Variants in SNTB2 observed in about 807,000 individuals in gnomAD.
SNTB2 encodes the protein syntrophin beta 2, also known as beta-2-syntrophin.
In SNTB2, 34 loss-of-function variants were observed where a neutral mutation model predicts 46.2. That is an observed-to-expected ratio of 0.74 (90% confidence interval 0.56 to 0.98). The LOEUF is 0.98. SNTB2 is among the 50% of genes least tolerant of loss of function. The pLI is 0.00. For synonymous variants in SNTB2, 290 were observed against 312.6 expected, an observed-to-expected ratio of 0.93 and a Z score of 0.76; for missense variants, 603 against 731.4, an observed-to-expected ratio of 0.82 and a Z score of 2.02.
At position 69,299,616 on chromosome 16, in the gene SNTB2, A is replaced by G. The variant is rs1011514536; in HGVS notation, c.1372A>G (p.Arg458Gly). 2.5e-6 allele frequency: 4 copies of G among 1,614,154 alleles called. No homozygotes were observed. The highest frequency in any genetic ancestry group is 3.4e-6 in the Non-Finnish European group (4 of 1,180,018). Reference protein sequence around the residue: ...LGCMLNGQEVRLTIHYENGFT... With the variant: ...LGCMLNGQEVGLTIHYENGFT... ...CTGCATGTTAAATGGCCAAGAGGTG[A>G]GGCTTACTATTCACTATGAAAATGG... Residue 458 changes from arginine (R) to glycine (G), a missense_variant, in exon 6 of 7, where the codon AGG (arginine) becomes GGG (glycine). By Grantham distance (125) the Arg-to-Gly change is moderately radical. This residue lies in a region of SNTB2 where 537 missense variants were observed against 692.4 expected (regional missense o/e 0.78). Transcript: ENST00000336278.
chr16:69,232,831 C>A (rs971612355), intron 1 of SNTB2, among the ~76,000 whole-genome samples: 9 of 151,994 alleles, frequency 5.9e-5, no homozygotes, highest in Admixed American at 1.3e-4. Flanking sequence ...ATTTTTAAAT[C>A]CTGAAATTTT....
intron 1 of SNTB2, among the ~76,000 whole-genome samples, chr16:69,192,270 T>C (rs1316716213): frequency 6.6e-6 from 1 of 152,176 alleles, no homozygotes; most frequent in South Asian, 2.1e-4. Flanking sequence ...AGAGATACTT[T>C]AAAGCAGTTG....
chr16:69,251,151 T>C (rs1347284745), intron 2 of SNTB2, among the ~76,000 whole-genome samples: 2 of 151,080 alleles, frequency 1.3e-5, no homozygotes, highest in Non-Finnish European at 2.9e-5. Flanking sequence ...GCTAATTTTT[T>C]GTATTTTTAG....
rs1965320835 is a variant in SNTB2 at position 69,306,875 on chromosome 16, T to G, written c.*5951T>G. The G allele has an allele frequency of 1.3e-5, 2 of 152,162 alleles. No homozygotes were observed. Among genetic ancestry groups the G allele is most frequent in the African/African-American group, 4.8e-5 (2 of 41,396 alleles). The allele number at this position is 152,162 out of a possible 1,614,324, so 9.4% of individuals were successfully genotyped here. The stretch of plus-strand genomic sequence containing the variant: ...TCCCTTGAACCCAGGAGGCAGAAGT[T>G]GCAGTGAGCTGAGATCATGCCATTG... On this transcript the variant is annotated 3_prime_UTR_variant, in exon 7 of 7. Coordinates refer to ENST00000336278, the MANE Select transcript of SNTB2 (RefSeq NM_006750.4).
intron 5 of SNTB2, among the ~76,000 whole-genome samples, chr16:69,296,183 G>C (rs969520387): frequency 4.6e-5 from 7 of 152,098 alleles, no homozygotes; most frequent in Admixed American, 2.0e-4. Flanking sequence ...GGGAGGCTGA[G>C]GCAGGAGAAT....
At chr16:69,253,004 A>AT (rs1209482960) in intron 2 of SNTB2, among the ~76,000 whole-genome samples, 3 of 146,378 alleles carry the variant, frequency 2.0e-5, no homozygotes. Context: ...GGTTCACGCC[A>AT]TTCTCCTGCC....
intron 1 of SNTB2, among the ~76,000 whole-genome samples, chr16:69,192,209 T>C (rs1003163360): frequency 2.0e-5 from 3 of 152,192 alleles, no homozygotes; most frequent in Non-Finnish European, 4.4e-5. Flanking sequence ...TGATCACCTT[T>C]GGAGCCGGTG....
At chr16:69,237,081 TG>T (rs1165247398) in intron 1 of SNTB2, among the ~76,000 whole-genome samples, 1 of 152,166 alleles carries the variant, frequency 6.6e-6, no homozygotes, top group Admixed American at 6.5e-5. Flanking sequence ...ATCTGAAGGA[TG>T]GGGCAGCACC....
At chr16:69,270,421 T>A in intron 4 of SNTB2, 136 bp downstream of exon 4, 1 of 1,077,396 alleles carries the variant, frequency 9.3e-7, no homozygotes, top group Non-Finnish European at 1.3e-6. Flanking sequence ...CAGACAAAAA[T>A]TTTTTGTTTT....
intron 1 of SNTB2, among the ~76,000 whole-genome samples, chr16:69,214,752 C>T (rs1255308659): frequency 2.6e-5 from 4 of 151,898 alleles, no homozygotes; most frequent in Admixed American, 6.6e-5. Flanking sequence ...GTCTGGAACT[C>T]CTGACCTCAG....
intron 6 of SNTB2, among the ~76,000 whole-genome samples, chr16:69,300,135 T>A (rs570810818): frequency 6.6e-6 from 1 of 151,848 alleles, no homozygotes; most frequent in Non-Finnish European, 1.5e-5. Context: ...TGGCTTCAAG[T>A]GATCTTCCCA....
chr16:69,218,672 C>T (rs1353278927), intron 1 of SNTB2, among the ~76,000 whole-genome samples: 1 of 152,152 alleles, frequency 6.6e-6, no homozygotes, highest in African/African-American at 2.4e-5. Flanking sequence ...CCACCTGCCT[C>T]GGCCTCCCAA....
At chr16:69,280,997 C>A (rs1334265480) in intron 4 of SNTB2, among the ~76,000 whole-genome samples, 2 of 152,084 alleles carry the variant, frequency 1.3e-5, no homozygotes, top group African/African-American at 4.8e-5. Flanking sequence ...CAGGGTTTCA[C>A]CGTGTTAGCC....
intron 4 of SNTB2, among the ~76,000 whole-genome samples, chr16:69,277,800 C>T (rs1357085783): frequency 6.6e-6 from 1 of 152,082 alleles, no homozygotes; most frequent in Non-Finnish European, 1.5e-5. Flanking sequence ...GTATAGAAAA[C>T]ATTGTGAGGT....
In SNTB2 at chr16:69,305,739, A is replaced by C. The variant is rs1255211870; in HGVS notation, c.*4815A>C. ...TGAGTTTGGACATCACTTTCAGTTA[A>C]ATTTCTGTTGTTATTGTGGCTTTTT... On this transcript the variant is annotated 3_prime_UTR_variant, in exon 7 of 7. Coordinates refer to ENST00000336278, the MANE Select transcript of SNTB2 (RefSeq NM_006750.4). 6.7e-6 allele frequency: 1 copy of C among 149,660 alleles called. No individual in the cohort carries two copies. Among genetic ancestry groups the C allele is most frequent in the East Asian group, 1.9e-4 (1 of 5,168 alleles). The allele number at this position is 149,660 out of a possible 1,614,324, so 9.3% of individuals were successfully genotyped here.
At chr16:69,258,705 G>A (rs1248695128) in intron 2 of SNTB2, among the ~76,000 whole-genome samples, 1 of 147,810 alleles carries the variant, frequency 6.8e-6, no homozygotes, top group East Asian at 2.0e-4. Flanking sequence ...TCCAGCTCCT[G>A]GGTTCAAGCA....
Position 69,292,438 on chromosome 16 carries a change from TATATATATAA to T in SNTB2, c.1346-7151_1346-7142del, listed in dbSNP as rs1226856819. ...ATATATTATATATATATATATATTATATATATATAATTTTTTTTTTGAGACAGAGTTTTGC... is the reference window on the plus strand; with the variant it reads ...ATATATTATATATATATATATATTATTTTTTTTTTTGAGACAGAGTTTTGC... On this transcript the variant is annotated intron_variant, in intron 5 of 6. Transcript: ENST00000336278. Among the ~76,000 whole-genome samples, 52 of 52,144 alleles carry T rather than the reference TATATATATAA, an allele frequency of 1.0e-3. 2 individuals are homozygous for T. Among genetic ancestry groups the T allele is most frequent in the Non-Finnish European group, 1.1e-3 (33 of 29,358 alleles). The allele number at this position is 52,144 out of a possible 152,430, so 34.2% of individuals were successfully genotyped here. A position where few individuals can be genotyped will look rare whatever the true frequency, so the allele number is the denominator to read the frequency against.
rs1334759638 is a variant in SNTB2 at position 69,301,829 on chromosome 16, G to GA, written c.*908dup. The GA allele has an allele frequency of 2.6e-4, 39 of 152,624 alleles. No individual in the cohort carries two copies. The highest frequency in any genetic ancestry group is 9.2e-4 in the African/African-American group (38 of 41,518). The allele number at this position is 152,624 out of a possible 1,614,324, so 9.5% of individuals were successfully genotyped here. A position where few individuals can be genotyped will look rare whatever the true frequency, so the allele number is the denominator to read the frequency against. Reference sequence around the variant, plus strand: ...TTATTAGTCACTATTTGAATAACTGGAAATCACTGCCATTTCCAGGAGATC... The same window carrying GA: ...TTATTAGTCACTATTTGAATAACTGGAAAATCACTGCCATTTCCAGGAGATC... On this transcript the variant is annotated 3_prime_UTR_variant, in exon 7 of 7. Transcript: ENST00000336278.
intron 2 of SNTB2, among the ~76,000 whole-genome samples, chr16:69,248,030 G>A (rs542418103): frequency 3.3e-5 from 5 of 152,274 alleles, no homozygotes; most frequent in East Asian, 3.9e-4. Flanking sequence ...GGCTGAGGTG[G>A]GAGGATCACT....
Sources: allele counts gnomAD v4.1 joint callset (sites outside exome capture counted in the v4.1 genomes callset), GRCh38; gene constraint gnomAD v4.1.1; regional missense constraint gnomAD v4.1.1; transcripts MANE v1.5; gene names NCBI Gene and HGNC (gene_info 2026-07-23, HGNC 2026-07-21).